Variants in CFAP20DC observed in about 807,000 individuals in gnomAD.
The protein encoded by CFAP20DC is protein CFAP20DC.
In CFAP20DC, 84 loss-of-function variants were observed where a neutral mutation model predicts 101.7. The ratio of observed to expected loss-of-function variants is 0.83; its 90% CI spans 0.69 to 0.99. The LOEUF (loss-of-function observed/expected upper bound fraction) is 0.99. Ranked by LOEUF, CFAP20DC falls within the 50% of genes least tolerant of loss-of-function variation. The pLI, the probability that CFAP20DC is intolerant of heterozygous loss-of-function variation, is 0.00. For synonymous variants in CFAP20DC, 359 were observed against 351.2 expected, an observed-to-expected ratio of 1.02 and a Z score of -0.25; for missense variants, 1,007 against 970.3, an observed-to-expected ratio of 1.04 and a Z score of -0.50.
At chr3:58,949,977 A>G (rs2089902203) in intron 4 of CFAP20DC, among the ~76,000 whole-genome samples, 1 of 152,236 alleles carries the variant, frequency 6.6e-6, no homozygotes, top group South Asian at 2.1e-4. Flanking sequence ...GAGGGAGTCC[A>G]GTTGTCCCTG....
At chr3:58,775,121 GT>G (rs1575607720) in intron 15 of CFAP20DC, among the ~76,000 whole-genome samples, 1 of 152,216 alleles carries the variant, frequency 6.6e-6, no homozygotes, top group East Asian at 1.9e-4. Context: ...GCACAGCTTG[GT>G]TTTATACATT....
chr3:58,987,580 G>A (rs1208108544), intron 4 of CFAP20DC, among the ~76,000 whole-genome samples: 3 of 151,660 alleles, frequency 2.0e-5, no homozygotes, highest in Admixed American at 6.6e-5. Flanking sequence ...AAAAGATTAA[G>A]TAAGAAAAAT....
Position 58,806,565 on chromosome 3 carries a change from G to A in CFAP20DC, c.2176-109C>T, listed in dbSNP as rs559196114. The A allele has an allele frequency of 2.5e-5, 20 of 790,370 alleles. No individual in the cohort carries two copies. In the African/African-American group the frequency reaches 2.6e-4, roughly 10 times the overall value. 49.0% of individuals were successfully genotyped at this position (790,370 alleles called of 1,614,324 possible). On this transcript the variant is annotated intron_variant, in intron 14 of 16. Transcript: ENST00000482387. Reference sequence around the variant, plus strand: ...CTGTTTCCTCAGACACAACCCACAAGAAGGGTATGGGTGGGAGGGCAGCCA... The same window carrying A: ...CTGTTTCCTCAGACACAACCCACAAAAAGGGTATGGGTGGGAGGGCAGCCA...
Position 59,049,697 on chromosome 3 carries a change from G to C in CFAP20DC, c.-66C>G, listed in dbSNP as rs1360217122. On this transcript the variant is annotated 5_prime_UTR_variant, in exon 1 of 17. Transcript: ENST00000482387. ...GGTTTCCAGCGAGTGGCGTGACCCTGACGGCTGGAAATCGGCTGGCGGGAA... is the reference window on the plus strand; with the variant it reads ...GGTTTCCAGCGAGTGGCGTGACCCTCACGGCTGGAAATCGGCTGGCGGGAA... The C allele has an allele frequency of 6.6e-7, 1 of 1,521,908 alleles. No individual in the cohort carries two copies. Among genetic ancestry groups the C allele is most frequent in the East Asian group, 2.5e-5 (1 of 40,676 alleles). The allele number at this position is 1,521,908 out of a possible 1,614,324, so 94.3% of individuals were successfully genotyped here.
chr3:58,752,997 T>C (rs573695665), intron 16 of CFAP20DC, among the ~76,000 whole-genome samples: 1 of 152,162 alleles, frequency 6.6e-6, no homozygotes, highest in African/African-American at 2.4e-5. Context: ...ACTCCAATTA[T>C]GCACTTGAGA....
At position 58,729,785 on chromosome 3, in the gene CFAP20DC, G is replaced by A. The variant is rs577499409; in HGVS notation, c.198-12157C>T. 2.6e-4 allele frequency among the ~76,000 whole-genome samples: 40 copies of A among 152,204 alleles called. No homozygotes were observed. In the South Asian group the frequency reaches 7.5e-3, roughly 28 times the overall value. ...GTAATTCCTAGCACTTTGGGAGGCC[G>A]AGGAGGGTGAATTGCCTGAGGTCAG... On this transcript the variant is annotated intron_variant, in intron 3 of 3. Transcript: ENST00000486145. This position sits in a 1 kb window ranked among gnomAD's most constrained non-coding sequence, Gnocchi z 4.4.
chr3:58,980,827 T>A (rs1257791034), intron 4 of CFAP20DC, among the ~76,000 whole-genome samples: 1 of 152,144 alleles, frequency 6.6e-6, no homozygotes, highest in African/African-American at 2.4e-5. Context: ...ACCACTCCTA[T>A]TCAACATAGT....
intron 7 of CFAP20DC, among the ~76,000 whole-genome samples, chr3:58,872,667 C>A (rs145036219): frequency 3.3e-5 from 5 of 152,154 alleles, no homozygotes; most frequent in African/African-American, 1.2e-4. Flanking sequence ...GAGAGAAATT[C>A]CATTTGTCTA....
At chr3:58,826,543 A>T (rs988964462) in intron 14 of CFAP20DC, among the ~76,000 whole-genome samples, 1 of 152,132 alleles carries the variant, frequency 6.6e-6, no homozygotes, top group African/African-American at 2.4e-5. Flanking sequence ...CTTATGAGTG[A>T]GAATATGCAG....
chr3:58,888,083 C>A (rs764621210), intron 6 of CFAP20DC, among the ~76,000 whole-genome samples: 1 of 152,212 alleles, frequency 6.6e-6, no homozygotes, highest in East Asian at 1.9e-4. Flanking sequence ...CAATCACCAT[C>A]TTTTCTATGT....
intron 15 of CFAP20DC, among the ~76,000 whole-genome samples, chr3:58,781,127 CAA>C (rs1273710514): frequency 2.0e-5 from 3 of 151,858 alleles, no homozygotes; most frequent in Admixed American, 6.6e-5. Context: ...AAATCAATAA[CAA>C]GAGGAACTCT....
chr3:58,942,803 C>T (rs1233448885), intron 4 of CFAP20DC, among the ~76,000 whole-genome samples: 1 of 152,192 alleles, frequency 6.6e-6, no homozygotes, highest in Non-Finnish European at 1.5e-5. Flanking sequence ...CCCATGGAGG[C>T]CAGCAAGCTA....
At chr3:58,811,385 C>T (rs1043139567) in intron 14 of CFAP20DC, among the ~76,000 whole-genome samples, 1 of 151,974 alleles carries the variant, frequency 6.6e-6, no homozygotes, top group Admixed American at 6.6e-5. Context: ...GAACAGAGCC[C>T]TCAGAAATAA....
intron 5 of CFAP20DC, among the ~76,000 whole-genome samples, chr3:58,922,651 C>T (rs937227955): frequency 2.6e-5 from 4 of 152,116 alleles, no homozygotes; most frequent in South Asian, 2.1e-4. Context: ...GGATGCAGTC[C>T]GAGGCTCTTC....
chr3:58,831,129 A>G (rs1173144759), intron 14 of CFAP20DC, among the ~76,000 whole-genome samples: 3 of 152,216 alleles, frequency 2.0e-5, no homozygotes, highest in African/African-American at 7.2e-5. Context: ...AGTGAGGGCA[A>G]TGGGCCATAC....
rs985890060 is a variant in CFAP20DC at position 58,949,225 on chromosome 3, CA to C, written c.279-11464del. ...GGTCTATCAATTTTGTTGATCTTTT[CA>C]AAAAACCAGCTCCTGGATTCATCGA... On this transcript the variant is annotated intron_variant, in intron 4 of 16. Transcript: ENST00000482387. 9.0e-4 allele frequency among the ~76,000 whole-genome samples: 137 copies of C among 152,130 alleles called. 1 individual carries two copies. The highest frequency in any genetic ancestry group is 3.2e-3 in the African/African-American group (132 of 41,500).
chr3:59,016,119 T>C (rs1243419002), intron 4 of CFAP20DC, among the ~76,000 whole-genome samples: 1 of 152,050 alleles, frequency 6.6e-6, no homozygotes, highest in Non-Finnish European at 1.5e-5. Flanking sequence ...AGATATGGAA[T>C]CAACTTAAGT....
chr3:58,977,639 C>A (rs941912665), intron 4 of CFAP20DC, among the ~76,000 whole-genome samples: 1 of 150,352 alleles, frequency 6.7e-6, no homozygotes, highest in Admixed American at 6.7e-5. Context: ...ATACCACTGG[C>A]AAGACATTGG....
intron 7 of CFAP20DC, among the ~76,000 whole-genome samples, chr3:58,872,959 G>A (rs2080366102): frequency 6.6e-6 from 1 of 150,414 alleles, no homozygotes; most frequent in African/African-American, 2.5e-5. Flanking sequence ...CAGAAGTCTG[G>A]ATAGCTATTC....
Sources: gnomAD v4.1 joint callset for allele counts (sites outside exome capture counted in the v4.1 genomes callset) on GRCh38, gnomAD v4.1.1 for gene constraint, Gnocchi (gnomAD v3.1) non-coding constraint, MANE v1.5 for transcripts, NCBI Gene and HGNC (gene_info 2026-07-23, HGNC 2026-07-21) for gene names.